Variants in PDIA6 observed in about 807,000 individuals in gnomAD.
The protein encoded by PDIA6 is protein disulfide isomerase family A member 6.
Under a neutral mutation model 58.4 loss-of-function variants are expected in PDIA6, and 29 were observed. That is an observed-to-expected ratio of 0.50 (90% CI 0.37 to 0.68). PDIA6 has a LOEUF of 0.68. Ranked by LOEUF, PDIA6 falls within the 30% of genes least tolerant of loss-of-function variation. The probability of loss-of-function intolerance (pLI) is 0.00; values close to 1 mark genes in which losing one functional copy is unlikely to be tolerated. For missense variants in PDIA6, 480 were observed against 551.0 expected, an observed-to-expected ratio of 0.87 and a Z score of 1.29; for synonymous variants, 192 against 202.6, an observed-to-expected ratio of 0.95 and a Z score of 0.44.
chr2:10,822,226 A>G (rs1331792505), intron 1 of PDIA6, among the ~76,000 whole-genome samples: 1 of 151,862 alleles, frequency 6.6e-6, no homozygotes, highest in African/African-American at 2.4e-5. Context: ...GGCATGAGCT[A>G]CTGCACCCAG....
At chr2:10,810,821 G>C (rs1217818551) in intron 1 of PDIA6, among the ~76,000 whole-genome samples, 1 of 151,968 alleles carries the variant, frequency 6.6e-6, no homozygotes, top group Non-Finnish European at 1.5e-5. Context: ...GACAAAGTAG[G>C]TCAATGCTGA....
At chr2:10,790,959 A>C in intron 6 of PDIA6, 126 bp from the exon 7 acceptor site, 1 of 654,224 alleles carries the variant, frequency 1.5e-6, no homozygotes, top group Non-Finnish European at 2.7e-6. Flanking sequence ...AGGTGATCTC[A>C]TTTCAGCCTC....
chr2:10,787,938 C>T (rs187901565), intron 10 of PDIA6, among the ~76,000 whole-genome samples: 3 of 151,962 alleles, frequency 2.0e-5, no homozygotes, highest in Non-Finnish European at 4.4e-5. Context: ...TGGTGGCGTG[C>T]GCCTGTAGTC....
intron 10 of PDIA6, among the ~76,000 whole-genome samples, chr2:10,788,065 C>CAAAAAAAAAAAAAAAA (rs565180851): frequency 1.6e-4 from 16 of 102,128 alleles, no homozygotes; most frequent in Admixed American, 3.4e-4. Context: ...GACTCTGTCT[C>CAAAAAAAAAAAAAAAA]AAAAAAAAAA....
intron 1 of PDIA6, among the ~76,000 whole-genome samples, chr2:10,812,300 G>T (rs1408745200): frequency 6.6e-6 from 1 of 150,896 alleles, no homozygotes; most frequent in Non-Finnish European, 1.5e-5. Flanking sequence ...CCGTCCCCAC[G>T]CACGAGTTCG....
rs113757322 is a variant in PDIA6 at position 10,786,062 on chromosome 2, C to T, written c.1158-1032G>A. ...CCTTGGCCAGGCGTGGTGGCTCACA[C>T]CTGTAATCCCAGCATTTTGGGAGGC... is the stretch of plus-strand genomic sequence containing the variant. On this transcript the variant is annotated intron_variant, in intron 11 of 12. Transcript: ENST00000272227. Among the ~76,000 whole-genome samples, 1,171 of 152,252 alleles carry T rather than the reference C, an allele frequency of 7.7e-3. 12 individuals are homozygous for T. The highest frequency in any genetic ancestry group is 0.024 in the African/African-American group (1,002 of 41,562).
rs377194432 is a variant in PDIA6, at chr2:10,785,013, C to A, written c.1175G>T (p.Arg392Leu). 6.3e-7 allele frequency: 1 copy of A among 1,580,858 alleles called. No homozygotes were observed. Among genetic ancestry groups the A allele is most frequent in the Non-Finnish European group, 8.6e-7 (1 of 1,161,672 alleles). Residue 392 changes from arginine (R) to leucine (L), a missense_variant, in exon 12 of 13, where the codon CGT (arginine) becomes CTT (leucine). Coordinates refer to ENST00000272227, the MANE Select transcript of PDIA6 (RefSeq NM_005742.4). ...NEFLRELSFGRGSTAPVGGGA... is the reference protein window; with the variant it reads ...NEFLRELSFGLGSTAPVGGGA... ...GCCTCCTACAGGTGCCGTGGAGCCA[C>A]GCCCAAAAGAGAGCTCCCTTAGGGA... is the stretch of plus-strand genomic sequence containing the variant.
chr2:10,816,145 C>T (rs542393120), upstream of PDIA6, among the ~76,000 whole-genome samples: 1 of 127,124 alleles, frequency 7.9e-6, no homozygotes, highest in East Asian at 2.8e-4. Flanking sequence ...TGCAGTGGTG[C>T]AATCTGGGCT....
intron 1 of PDIA6, 94 bp downstream of exon 1, chr2:10,812,584 C>T: frequency 7.7e-7 from 1 of 1,302,190 alleles, no homozygotes; most frequent in Non-Finnish European, 1.0e-6. Context: ...TTCCGGCCGC[C>T]TGCGGCCGCG....
At position 10,783,948 on chromosome 2, in the gene PDIA6, G is replaced by GAAAC. The variant is rs1338445730; in HGVS notation, c.*306_*309dup. ...CACATTAAAAAAAACCCATACATAAGAAACAGCCTCCAAGAACATTCAAGC... is the reference window on the plus strand; with the variant it reads ...CACATTAAAAAAAACCCATACATAAGAAACAAACAGCCTCCAAGAACATTCAAGC... On this transcript the variant is annotated 3_prime_UTR_variant, in exon 13 of 13. Coordinates refer to ENST00000272227, the MANE Select transcript of PDIA6 (RefSeq NM_005742.4). 1 of 218,386 alleles carries GAAAC rather than the reference G, an allele frequency of 4.6e-6. No individual in the cohort carries two copies. The highest frequency in any genetic ancestry group is 8.9e-6 in the Non-Finnish European group (1 of 111,806). 13.5% of individuals were successfully genotyped at this position (218,386 alleles called of 1,614,324 possible).
At chr2:10,789,291 G>A (rs1379248342) in intron 8 of PDIA6, among the ~76,000 whole-genome samples, 1 of 152,084 alleles carries the variant, frequency 6.6e-6, no homozygotes, top group East Asian at 1.9e-4. Context: ...ATACTTACAT[G>A]TATTATATGT....
At chr2:10,831,485 C>G (rs1198377305) in intron 1 of PDIA6, among the ~76,000 whole-genome samples, 1 of 152,176 alleles carries the variant, frequency 6.6e-6, no homozygotes, top group East Asian at 1.9e-4. Flanking sequence ...CTGCGTTTCA[C>G]CCGGCAGCCC....
chr2:10,803,392 G>A (rs879477020), intron 1 of PDIA6, among the ~76,000 whole-genome samples: 1 of 152,192 alleles, frequency 6.6e-6, no homozygotes, highest in Non-Finnish European at 1.5e-5. Context: ...CCTGACCTCA[G>A]GTGATCCGCC....
upstream of PDIA6, among the ~76,000 whole-genome samples, chr2:10,835,969 T>C (rs1035222011): frequency 6.6e-6 from 1 of 151,798 alleles, no homozygotes; most frequent in Non-Finnish European, 1.5e-5. Context: ...GAGAATCACT[T>C]GAACCCGGGA....
At chr2:10,789,079 G>A (rs1665914247) in intron 8 of PDIA6, 98 bp from the exon 9 acceptor site, 1 of 843,624 alleles carries the variant, frequency 1.2e-6, no homozygotes, top group African/African-American at 1.7e-5. Context: ...CACTTTCATT[G>A]AAAACATTTC....
At chr2:10,804,516 G>A (rs1666651467) in intron 1 of PDIA6, among the ~76,000 whole-genome samples, 4 of 111,428 alleles carry the variant, frequency 3.6e-5, no homozygotes, top group Non-Finnish European at 8.7e-5. Context: ...GCTCTGTTCT[G>A]TTCCATTGAT....
At chr2:10,809,575 A>G (rs1666908308) in intron 1 of PDIA6, among the ~76,000 whole-genome samples, 1 of 139,192 alleles carries the variant, frequency 7.2e-6, no homozygotes, top group Non-Finnish European at 1.5e-5. Flanking sequence ...GTGCATCTGT[A>G]GCCGCAGCTA....
intron 1 of PDIA6, among the ~76,000 whole-genome samples, chr2:10,829,382 C>A (rs764799936): frequency 1.1e-4 from 17 of 152,208 alleles, no homozygotes; most frequent in Non-Finnish European, 2.4e-4. Flanking sequence ...AGCAGGTGGG[C>A]TCTGCCCTGC....
At position 10,788,952 on chromosome 2, in the gene PDIA6, C is replaced by T. The variant is rs144892738; in HGVS notation, c.870G>A (p.Thr290=). The part of the protein sequence containing the change: ...EIINEDIAKR[T]CEEHQLCVVA... The stretch of plus-strand genomic sequence containing the variant: ...CAACACAGAGCTGGTGCTCCTCACA[C>T]GTCCTCTTGGCAATGTCCTCGTTGA... The change falls in exon 9 of 13, where the codon ACG becomes ACA. Residue 290 remains threonine (T), a synonymous_variant. Transcript: ENST00000272227. 29 of 1,614,136 alleles carry T rather than the reference C, an allele frequency of 1.8e-5. No individual in the cohort carries two copies. Among genetic ancestry groups the T allele is most frequent in the Middle Eastern group, 1.6e-4 (1 of 6,062 alleles).
Sources: gnomAD v4.1 joint callset for allele counts (sites outside exome capture counted in the v4.1 genomes callset) on GRCh38, gnomAD v4.1.1 for gene constraint, MANE v1.5 for transcripts, NCBI Gene and HGNC (gene_info 2026-07-23, HGNC 2026-07-21) for gene names.